Variants in CDKAL1 observed in about 807,000 individuals in gnomAD.
CDKAL1 encodes the protein CDKAL1 threonylcarbamoyladenosine tRNA methylthiotransferase.
Under a neutral mutation model 68.2 loss-of-function variants are expected in CDKAL1, and 32 were observed. That is an observed-to-expected ratio of 0.47 (90% CI 0.35 to 0.63). The LOEUF (loss-of-function observed/expected upper bound fraction) is 0.63, where lower values mean the gene tolerates loss of function less well. Among genes scored for constraint, CDKAL1 ranks in the 30% least tolerant of loss-of-function variants. The probability of loss-of-function intolerance (pLI) is 0.00; values close to 1 mark genes in which losing one functional copy is unlikely to be tolerated. For missense variants in CDKAL1, 606 were observed against 696.7 expected, an observed-to-expected ratio of 0.87 and a Z score of 1.47; for synonymous variants, 234 against 244.3, an observed-to-expected ratio of 0.96 and a Z score of 0.39.
intron 4 of CDKAL1, among the ~76,000 whole-genome samples, chr6:20,592,188 A>T (rs1376099103): frequency 6.6e-6 from 1 of 152,164 alleles, no homozygotes; most frequent in East Asian, 1.9e-4. Flanking sequence ...TTATTGGTGT[A>T]TAGGAATGCT....
chr6:21,004,913 G>A (rs1463861616), intron 11 of CDKAL1, among the ~76,000 whole-genome samples: 1 of 152,200 alleles, frequency 6.6e-6, no homozygotes, highest in Non-Finnish European at 1.5e-5. Flanking sequence ...AATGAGCTAT[G>A]ATCATGCTGC....
At chr6:20,649,408 T>C (rs377555865) in intron 5 of CDKAL1, 31 bp downstream of exon 5, 1 of 1,261,294 alleles carries the variant, frequency 7.9e-7, no homozygotes, top group African/African-American at 1.5e-5. Flanking sequence ...TCCTATTTTG[T>C]ATAATCAAAG....
intron 9 of CDKAL1, among the ~76,000 whole-genome samples, chr6:20,905,584 C>T (rs1762195336): frequency 6.6e-6 from 1 of 152,074 alleles, no homozygotes; most frequent in Admixed American, 6.5e-5. Context: ...GTAAACATCC[C>T]AGAAGCCCAA....
At chr6:20,810,215 A>G (rs971437166) in intron 8 of CDKAL1, among the ~76,000 whole-genome samples, 2 of 152,142 alleles carry the variant, frequency 1.3e-5, no homozygotes, top group Admixed American at 6.5e-5. Flanking sequence ...TGGGCAATCC[A>G]AATTATTTTA....
Position 21,108,471 on chromosome 6 carries a change from A to G in CDKAL1, c.1299+8A>G, listed in dbSNP as rs750938917. The G allele has an allele frequency of 2.5e-5, 39 of 1,567,682 alleles. No homozygotes were observed. Among genetic ancestry groups the G allele is most frequent in the Non-Finnish European group, 3.1e-5 (35 of 1,146,298 alleles). ...AGTCCATATGATCACAAGGTAAGAG[A>G]AGCATGTTAATAGCATATTAAGTAT... On this transcript the variant is annotated splice_region_variant and intron_variant, in intron 13 of 15. Transcript: ENST00000274695.
At chr6:21,002,973 A>C (rs1561952392) in intron 11 of CDKAL1, among the ~76,000 whole-genome samples, 1 of 152,008 alleles carries the variant, frequency 6.6e-6, no homozygotes, top group African/African-American at 2.4e-5. Flanking sequence ...TGGGTGACAG[A>C]GTGAGACCTA....
In CDKAL1 at chr6:20,642,802, CAT is replaced by C. The variant is rs577982168; in HGVS notation, c.287-6490_287-6489del. 5.2e-3 allele frequency among the ~76,000 whole-genome samples: 785 copies of C among 152,226 alleles called. 6 individuals are homozygous for C. Among genetic ancestry groups the C allele is most frequent in the African/African-American group, 0.018 (736 of 41,516 alleles). ...AGTAATCTGGGAAACATAAAAATGA[CAT>C]GTGTACATTGCTACTCATTGCAGTA... On this transcript the variant is annotated intron_variant, in intron 4 of 15. Coordinates refer to ENST00000274695, the MANE Select transcript of CDKAL1 (RefSeq NM_017774.3).
At chr6:20,654,286 G>T (rs1172726529) in intron 5 of CDKAL1, among the ~76,000 whole-genome samples, 3 of 147,630 alleles carry the variant, frequency 2.0e-5, no homozygotes, top group Non-Finnish European at 4.5e-5. Flanking sequence ...CAGGTCATTT[G>T]TCTATTTTTC....
At chr6:20,614,691 G>A (rs1348267723) in intron 4 of CDKAL1, among the ~76,000 whole-genome samples, 3 of 152,082 alleles carry the variant, frequency 2.0e-5, no homozygotes, top group African/African-American at 7.2e-5. Context: ...GAATTTTAAA[G>A]CAATCCCAGA....
intron 9 of CDKAL1, among the ~76,000 whole-genome samples, chr6:20,861,307 T>C (rs115095151): frequency 4.6e-5 from 7 of 152,336 alleles, no homozygotes; most frequent in Non-Finnish European, 1.0e-4. Context: ...GAAGATTAAA[T>C]GGGAGAAGGT....
At chr6:20,596,418 G>A (rs1765826387) in intron 4 of CDKAL1, among the ~76,000 whole-genome samples, 1 of 152,194 alleles carries the variant, frequency 6.6e-6, no homozygotes, top group South Asian at 2.1e-4. Context: ...GAGCTGTGGT[G>A]GGCTCTGCCC....
chr6:20,609,759 A>T (rs545297391), intron 4 of CDKAL1, among the ~76,000 whole-genome samples: 1 of 152,062 alleles, frequency 6.6e-6, no homozygotes, highest in Admixed American at 6.6e-5. Context: ...CTAGAGGTTT[A>T]TCTTTGGAAA....
intron 9 of CDKAL1, among the ~76,000 whole-genome samples, chr6:20,875,167 C>T (rs1260586619): frequency 2.6e-5 from 4 of 151,550 alleles, no homozygotes; most frequent in East Asian, 3.9e-4. Context: ...GGCGCGGTGG[C>T]AGGCGCCTGT....
intron 5 of CDKAL1, among the ~76,000 whole-genome samples, chr6:20,691,166 A>G (rs1405287144): frequency 6.6e-6 from 1 of 152,178 alleles, no homozygotes; most frequent in Admixed American, 6.5e-5. Context: ...GTAAACGGCC[A>G]TTCATTGTCC....
At chr6:20,558,228 G>GATCC (rs1764135783) in intron 4 of CDKAL1, among the ~76,000 whole-genome samples, 2 of 152,292 alleles carry the variant, frequency 1.3e-5, no homozygotes, top group Admixed American at 1.3e-4. Flanking sequence ...GTTGTGGCAG[G>GATCC]GATGACAGTG....
intron 12 of CDKAL1, among the ~76,000 whole-genome samples, chr6:21,104,285 G>A (rs2150986873): frequency 6.6e-6 from 1 of 152,262 alleles, no homozygotes; most frequent in South Asian, 2.1e-4. Flanking sequence ...TCATCCCAAT[G>A]TTTCAGTATA....
intron 9 of CDKAL1, among the ~76,000 whole-genome samples, chr6:20,854,310 C>A (rs1561833394): frequency 6.6e-6 from 1 of 152,184 alleles, no homozygotes; most frequent in Non-Finnish European, 1.5e-5. Flanking sequence ...ACTTGCTGTT[C>A]TGAATCCCGA....
intron 9 of CDKAL1, among the ~76,000 whole-genome samples, chr6:20,878,759 T>C (rs1483551127): frequency 7.1e-6 from 1 of 140,038 alleles, no homozygotes; most frequent in East Asian, 2.2e-4. Context: ...TAGCTAACCA[T>C]AGCAACTCTA....
chr6:20,664,071 A>G (rs1026760819), intron 5 of CDKAL1, among the ~76,000 whole-genome samples: 2 of 152,072 alleles, frequency 1.3e-5, no homozygotes, highest in African/African-American at 2.4e-5. Flanking sequence ...GCGCCATTGG[A>G]TATTATCAGA....
Sources: gnomAD v4.1 joint callset for allele counts (sites outside exome capture counted in the v4.1 genomes callset) on GRCh38, gnomAD v4.1.1 for gene constraint, MANE v1.5 for transcripts, NCBI Gene and HGNC (gene_info 2026-07-23, HGNC 2026-07-21) for gene names.